PCDHGA5: variants seen among roughly 807,000 people sequenced by gnomAD.
The protein encoded by PCDHGA5 is protocadherin gamma subfamily A, 5.
Under a neutral mutation model 56.7 loss-of-function variants are expected in PCDHGA5, and 36 were observed. That is an observed-to-expected ratio of 0.64 (90% CI 0.49 to 0.84). The LOEUF is 0.84. Among genes scored for constraint, PCDHGA5 ranks in the 40% least tolerant of loss-of-function variants. The pLI, the probability that PCDHGA5 is intolerant of heterozygous loss-of-function variation, is 0.00. For missense variants in PCDHGA5, 1,305 were observed against 1,201.5 expected (o/e 1.09, Z -1.27); for synonymous variants, 563 against 520.2 (o/e 1.08, Z -1.12).
chr5:141,494,740 T>C, intron 1 of PCDHGA5, 67 bp from the exon 2 acceptor site: 1 of 1,612,194 alleles, frequency 6.2e-7, no homozygotes, highest in Non-Finnish European at 8.5e-7. Context: ...GGCCCATCCC[T>C]AGGGGCTCGG....
intron 1 of PCDHGA5, chr5:141,417,232 G>A (rs997894028): frequency 6.6e-6 from 1 of 152,072 alleles, no homozygotes; most frequent in Admixed American, 6.6e-5. Context: ...AAAATTTGTT[G>A]CTTATCTTCA....
In PCDHGA5 at chr5:141,415,739, G is replaced by GTTT. The variant is rs1561759437; in HGVS notation, c.2421+48988_2421+48989insTTT. 6 of 435,150 alleles carry GTTT rather than the reference G, an allele frequency of 1.4e-5. No individual in the cohort carries two copies. The African/African-American group carries it at 1.6e-4, about 12-fold the overall frequency. 27.0% of individuals were successfully genotyped at this position (435,150 alleles called of 1,614,324 possible). ...ATGAGTAGAATTTGATGTTTATTAAGGTTTTTTTTTTTTTTTTTTTTTTTT... is the reference window on the plus strand; with the variant it reads ...ATGAGTAGAATTTGATGTTTATTAAGTTTGTTTTTTTTTTTTTTTTTTTTTTTT... On this transcript the variant is annotated intron_variant, in intron 1 of 3. Transcript: ENST00000518069.
chr5:141,478,497 C>A (rs746475685), intron 1 of PCDHGA5: 2 of 1,612,820 alleles, frequency 1.2e-6, no homozygotes, highest in Non-Finnish European at 1.7e-6. Context: ...AGCTGTGATC[C>A]GGTGTTCTAT....
At chr5:141,464,264 A>G (rs1357786078) in intron 1 of PCDHGA5, among the ~76,000 whole-genome samples, 2 of 130,598 alleles carry the variant, frequency 1.5e-5, no homozygotes, top group East Asian at 4.2e-4. Flanking sequence ...GACTCCGTCT[A>G]AAAAAAAAAA....
chr5:141,365,209 A>G lies in PCDHGA5; in HGVS notation c.879A>G (p.Gln293=). 2.5e-6 allele frequency: 4 copies of G among 1,613,922 alleles called. No homozygotes were observed. The highest frequency in any genetic ancestry group is 3.4e-6 in the Non-Finnish European group (4 of 1,179,884). ...AAGAAAAAATTTCGGAGACTTTCCA[A>G]CTTGATTCCAACCTGGGGGAAATCT... is the stretch of plus-strand genomic sequence containing the variant. ...NEEEKISETF[Q]LDSNLGEIST... The change falls in exon 1 of 4, where the codon CAA becomes CAG. Residue 293 remains glutamine, a synonymous_variant. Transcript: ENST00000518069.
In PCDHGA5 at chr5:141,490,601, T is replaced by C. The variant is rs777393370; in HGVS notation, c.2422-4206T>C. 1 of 1,614,176 alleles carries C rather than the reference T, an allele frequency of 6.2e-7. No homozygotes were observed. The highest frequency in any genetic ancestry group is 8.5e-7 in the Non-Finnish European group (1 of 1,180,030). ...GATGTCAATGACAATGCACCCCGCTTCAACCAGCAGCTTTACACTGCTTAC... is the reference window on the plus strand; with the variant it reads ...GATGTCAATGACAATGCACCCCGCTCCAACCAGCAGCTTTACACTGCTTAC... On this transcript the variant is annotated intron_variant, in intron 1 of 3. Transcript: ENST00000518069. This position sits in a 1 kb window ranked among gnomAD's most constrained non-coding sequence, Gnocchi z 5.4.
At chr5:141,501,329 ACACACC>A (rs1456568693) in intron 2 of PCDHGA5, among the ~76,000 whole-genome samples, 16 of 148,226 alleles carry the variant, frequency 1.1e-4, no homozygotes, top group Non-Finnish European at 2.2e-4. Context: ...ACACACACAC[ACACACC>A]CCAAACTCAA....
At chr5:141,380,772 CTT>C (rs1776732495) in intron 1 of PCDHGA5, among the ~76,000 whole-genome samples, 1 of 152,070 alleles carries the variant, frequency 6.6e-6, no homozygotes, top group Admixed American at 6.6e-5. Context: ...TTAATTGAGA[CTT>C]TTTTAAAACA....
chr5:141,427,875 C>A, intron 1 of PCDHGA5: 1 of 1,560,408 alleles, frequency 6.4e-7, no homozygotes. Flanking sequence ...GCTCACGATG[C>A]AGGCCCACGA....
chr5:141,410,976 C>G (rs750121743), intron 1 of PCDHGA5: 28 of 178,158 alleles, frequency 1.6e-4, no homozygotes, highest in Non-Finnish European at 2.6e-4. Context: ...GCCTCAGCCT[C>G]CCAAGTAGCT....
chr5:141,383,228 T>C (rs1778950138), intron 1 of PCDHGA5: 1 of 1,613,936 alleles, frequency 6.2e-7, no homozygotes, highest in Non-Finnish European at 8.5e-7. Context: ...AACATCCTGA[T>C]GGAAGATAAA....
intron 1 of PCDHGA5, chr5:141,394,111 C>T: frequency 1.9e-6 from 3 of 1,613,936 alleles, no homozygotes; most frequent in African/African-American, 2.7e-5. Flanking sequence ...CCACCTCTGT[C>T]CACTGAAACT....
At position 141,366,219 on chromosome 5, in the gene PCDHGA5, G is replaced by A. The variant is rs888571729; in HGVS notation, c.1889G>A (p.Arg630Gln). The stretch of plus-strand genomic sequence containing the variant: ...CACACGGGCGAGGTGCGCACAGCGC[G>A]AGCCCTGCTGGACAGAGACGCGCTC... ...GLHTGEVRTA[R>Q]ALLDRDALKQ... is the part of the protein sequence containing the mutation. The change falls in exon 1 of 4, where the codon CGA (arginine) becomes CAA (glutamine). Residue 630 changes from arginine to glutamine, a missense_variant. Coordinates refer to ENST00000518069, the MANE Select transcript of PCDHGA5 (RefSeq NM_018918.3). 8 of 1,613,694 alleles carry A rather than the reference G, an allele frequency of 5.0e-6. No individual in the cohort carries two copies. Among genetic ancestry groups the A allele is most frequent in the African/African-American group, 1.3e-5 (1 of 74,964 alleles).
chr5:141,432,630 G>A lies in PCDHGA5; in HGVS notation c.2422-62177G>A, dbSNP rs1278355878. On this transcript the variant is annotated intron_variant, in intron 1 of 3. Coordinates refer to ENST00000518069, the MANE Select transcript of PCDHGA5 (RefSeq NM_018918.3). This position sits in a 1 kb window ranked among gnomAD's most constrained non-coding sequence, Gnocchi z 6.0. ...CTCTTCTCGGTGGGTCTGCACACGG[G>A]CGAGGTGCGCACGGCGCGAGCCCTG... 3.7e-6 allele frequency: 6 copies of A among 1,612,782 alleles called. No homozygotes were observed. Among genetic ancestry groups the A allele is most frequent in the Non-Finnish European group, 5.1e-6 (6 of 1,179,682 alleles).
chr5:141,478,822 T>A, intron 1 of PCDHGA5: 2 of 1,444,070 alleles, frequency 1.4e-6, no homozygotes, highest in South Asian at 1.5e-5. Context: ...AACTAACCAA[T>A]CTTGCTAAGG....
intron 1 of PCDHGA5, chr5:141,441,182 CA>C (rs1434822697): frequency 6.6e-6 from 1 of 152,140 alleles, no homozygotes; most frequent in African/African-American, 2.4e-5. Flanking sequence ...TCTAATTCCA[CA>C]ATGATTCCCA....
At position 141,477,386 on chromosome 5, in the gene PCDHGA5, A is replaced by C; in HGVS notation, c.2422-17421A>C. 1 of 1,614,116 alleles carries C rather than the reference A, an allele frequency of 6.2e-7. No homozygotes were observed. Among genetic ancestry groups the C allele is most frequent in the South Asian group, 1.1e-5 (1 of 91,080 alleles). On this transcript the variant is annotated intron_variant, in intron 1 of 3. Coordinates refer to ENST00000518069, the MANE Select transcript of PCDHGA5 (RefSeq NM_018918.3). The surrounding 1 kb of genome is among the most constrained non-coding windows in gnomAD (Gnocchi z 4.9). ...GGATCGGGAGACTGTGCCAGAATAC[A>C]ACCTCAGCATCACCGCCCGAGACGC...
At chr5:141,395,205 C>T (rs770683946) in intron 1 of PCDHGA5, 2 of 1,613,660 alleles carry the variant, frequency 1.2e-6, no homozygotes, top group Non-Finnish European at 1.7e-6. Flanking sequence ...CGTAGATTTT[C>T]ATGAATATAA....
chr5:141,506,380 T>C (rs1209879935), intron 3 of PCDHGA5, among the ~76,000 whole-genome samples: 1 of 141,314 alleles, frequency 7.1e-6, no homozygotes, highest in Non-Finnish European at 1.5e-5. Flanking sequence ...ACCTGGGAGG[T>C]GGCTGTGGTG....
Sources: gnomAD v4.1 joint callset for allele counts (sites outside exome capture counted in the v4.1 genomes callset) on GRCh38, gnomAD v4.1.1 for gene constraint, Gnocchi (gnomAD v3.1) non-coding constraint, MANE v1.5 for transcripts, NCBI Gene and HGNC (gene_info 2026-07-23, HGNC 2026-07-21) for gene names.